The following PLPPR1 variants were observed in gnomAD, a reference collection of about 807,000 sequenced individuals.
PLPPR1 encodes the protein phospholipid phosphatase related 1, also known as phospholipid phosphatase-related protein type 1.
In PLPPR1, 10 loss-of-function variants were observed where a neutral mutation model predicts 33.1. The observed-to-expected ratio is 0.30, with a 90% CI of 0.19 to 0.51. PLPPR1 has a LOEUF of 0.51. Ranked by LOEUF, PLPPR1 falls within the 20% of genes least tolerant of loss-of-function variation. The pLI is 0.97. For missense variants in PLPPR1, 304 were observed against 408.1 expected, an observed-to-expected ratio of 0.74 and a Z score of 2.20; for synonymous variants, 151 against 151.0, an observed-to-expected ratio of 1.00 and a Z score of 0.00.
chr9:101,195,125 T>C (rs1826373437), intron 2 of PLPPR1, among the ~76,000 whole-genome samples: 1 of 152,126 alleles, frequency 6.6e-6, no homozygotes, highest in Non-Finnish European at 1.5e-5. Context: ...GCTTTTACGG[T>C]CACTCTGGTA....
intron 1 of PLPPR1, among the ~76,000 whole-genome samples, chr9:101,134,897 A>T (rs947636166): frequency 6.6e-6 from 1 of 152,092 alleles, no homozygotes; most frequent in African/African-American, 2.4e-5. Flanking sequence ...AAATAGTGGG[A>T]CGTGGGGCTG....
intron 2 of PLPPR1, among the ~76,000 whole-genome samples, chr9:101,254,409 A>T (rs1367170644): frequency 6.6e-6 from 1 of 152,116 alleles, no homozygotes; most frequent in Non-Finnish European, 1.5e-5. Flanking sequence ...ATTTGACAGG[A>T]GGCAGAGCTC....
chr9:101,071,605 G>GGAGAGAGAGAGAGAGAGA (rs3080736), intron 1 of PLPPR1, among the ~76,000 whole-genome samples: 22 of 149,112 alleles, frequency 1.5e-4, no homozygotes, highest in African/African-American at 5.4e-4. Flanking sequence ...GGAGTGAGAA[G>GGAGAGAGAGAGAGAGAGA]GAGAGAGAGA....
At chr9:101,040,541 T>C (rs1193882687) in intron 1 of PLPPR1, among the ~76,000 whole-genome samples, 1 of 152,118 alleles carries the variant, frequency 6.6e-6, no homozygotes, top group African/African-American at 2.4e-5. Flanking sequence ...CCAAACATAC[T>C]TTCATCTCAG....
intron 1 of PLPPR1, among the ~76,000 whole-genome samples, chr9:101,134,385 AT>A (rs34613253): frequency 0.41 from 59,753 of 145,734 alleles, 13,408 homozygotes; most frequent in Non-Finnish European, 0.52. Flanking sequence ...TAAGAACAGG[AT>A]TTTTTTTTTT....
At chr9:101,128,766 A>G (rs536285948) in intron 1 of PLPPR1, among the ~76,000 whole-genome samples, 2 of 152,316 alleles carry the variant, frequency 1.3e-5, no homozygotes, top group South Asian at 2.1e-4. Context: ...TTATTGTTTG[A>G]TGAGGGTAAT....
chr9:101,157,728 A>G (rs2771066), intron 1 of PLPPR1, among the ~76,000 whole-genome samples: 80,040 of 151,964 alleles, frequency 0.53, 21,534 homozygotes, highest in African/African-American at 0.61. Context: ...GGGGCCGGGC[A>G]TGGTGACTCA....
chr9:101,194,880 A>G (rs1249808839), intron 2 of PLPPR1, among the ~76,000 whole-genome samples: 2 of 152,224 alleles, frequency 1.3e-5, no homozygotes, highest in East Asian at 1.9e-4. Context: ...CCAAATACAT[A>G]TATTGACCCA....
At chr9:101,093,994 C>T (rs1830783252) in intron 1 of PLPPR1, among the ~76,000 whole-genome samples, 1 of 152,212 alleles carries the variant, frequency 6.6e-6, no homozygotes, top group Non-Finnish European at 1.5e-5. Flanking sequence ...TACCTCCCAT[C>T]TGCAGCTCTC....
intron 1 of PLPPR1, among the ~76,000 whole-genome samples, chr9:101,124,665 T>C (rs1399689640): frequency 1.3e-5 from 2 of 152,202 alleles, no homozygotes; most frequent in African/African-American, 4.8e-5. Context: ...TTTCAAACCT[T>C]CAATTCACAC....
At chr9:101,101,911 T>A (rs1830905757) in intron 1 of PLPPR1, among the ~76,000 whole-genome samples, 1 of 152,126 alleles carries the variant, frequency 6.6e-6, no homozygotes, top group Admixed American at 6.5e-5. Flanking sequence ...AGAAGCCCTT[T>A]AAAGAGTACT....
At chr9:101,094,134 T>TA (rs746344889) in intron 1 of PLPPR1, among the ~76,000 whole-genome samples, 2 of 152,190 alleles carry the variant, frequency 1.3e-5, no homozygotes, top group East Asian at 3.9e-4. Flanking sequence ...GTGATATTTC[T>TA]AAAAGACAAA....
intron 6 of PLPPR1, among the ~76,000 whole-genome samples, chr9:101,315,957 T>C (rs187411446): frequency 4.3e-4 from 65 of 152,364 alleles, no homozygotes; most frequent in Admixed American, 4.6e-4. Flanking sequence ...CTGTATGCTT[T>C]ATAGACAGCT....
chr9:101,194,709 C>A (rs969521238), intron 2 of PLPPR1, among the ~76,000 whole-genome samples: 7 of 149,476 alleles, frequency 4.7e-5, no homozygotes, highest in South Asian at 2.1e-4. Flanking sequence ...CGAGATAGAG[C>A]GCCGTTGCAC....
At chr9:101,169,228 G>T (rs1329770463) in intron 1 of PLPPR1, among the ~76,000 whole-genome samples, 3 of 152,072 alleles carry the variant, frequency 2.0e-5, no homozygotes, top group Non-Finnish European at 4.4e-5. Flanking sequence ...CTGCTTTAAG[G>T]TCTCAGTTTA....
At chr9:101,209,112 C>A (rs571907679) in intron 2 of PLPPR1, among the ~76,000 whole-genome samples, 3 of 152,228 alleles carry the variant, frequency 2.0e-5, no homozygotes, top group African/African-American at 7.2e-5. Context: ...ATTCTCAACA[C>A]CCACTTCAAA....
intron 2 of PLPPR1, among the ~76,000 whole-genome samples, chr9:101,259,120 CTA>C (rs1228739601): frequency 6.6e-6 from 1 of 152,070 alleles, no homozygotes; most frequent in Non-Finnish European, 1.5e-5. Flanking sequence ...TATCATCCAC[CTA>C]TAAACAACCA....
intron 2 of PLPPR1, among the ~76,000 whole-genome samples, chr9:101,186,269 A>G (rs915719427): frequency 6.6e-6 from 1 of 151,824 alleles, no homozygotes; most frequent in Admixed American, 6.6e-5. Context: ...TAAGATGTTG[A>G]TTTGCCAGAG....
intron 2 of PLPPR1, among the ~76,000 whole-genome samples, chr9:101,240,206 G>A (rs926392882): frequency 4.6e-5 from 7 of 151,760 alleles, no homozygotes; most frequent in Admixed American, 6.6e-5. Context: ...AGTTTACTCC[G>A]AATATGAGGA....
Sources: gnomAD v4.1 joint callset for allele counts (sites outside exome capture counted in the v4.1 genomes callset) on GRCh38, gnomAD v4.1.1 for gene constraint, MANE v1.5 for transcripts, NCBI Gene and HGNC (gene_info 2026-07-23, HGNC 2026-07-21) for gene names.